ATP8A2: variants seen among roughly 807,000 people sequenced by gnomAD.
ATP8A2 encodes ATPase phospholipid transporting 8A2, also known as phospholipid-transporting ATPase IB.
A neutral mutation model predicts 165.6 loss-of-function variants in ATP8A2; 100 were observed. The ratio of observed to expected loss-of-function variants is 0.60; its 90% confidence interval spans 0.51 to 0.71. ATP8A2 has a LOEUF of 0.71. ATP8A2 is among the 30% of genes least tolerant of loss of function. ATP8A2 has a pLI of 0.00. For missense variants in ATP8A2, 1,227 were observed against 1,479.5 expected (o/e 0.83, Z 2.80); for synonymous variants, 543 against 548.8 (o/e 0.99, Z 0.15).
intron 27 of ATP8A2, among the ~76,000 whole-genome samples, chr13:25,775,823 G>A (rs577882140): frequency 2.0e-5 from 3 of 152,280 alleles, no homozygotes; most frequent in South Asian, 2.1e-4. Flanking sequence ...AAAATAATAA[G>A]CAAGGAAGAA....
chr13:25,780,267 G>A (rs573432094), intron 27 of ATP8A2, among the ~76,000 whole-genome samples: 3 of 152,242 alleles, frequency 2.0e-5, no homozygotes, highest in South Asian at 4.1e-4. Flanking sequence ...TGATTAGTTG[G>A]TGGTTCCTAA....
chr13:25,540,229 C>T (rs1368643446), intron 7 of ATP8A2, 90 bp from the exon 8 acceptor site: 24 of 935,632 alleles, frequency 2.6e-5, no homozygotes, highest in Non-Finnish European at 4.0e-5. Context: ...GGCCAATCAG[C>T]AGACACAGAT....
At position 25,822,374 on chromosome 13, in the gene ATP8A2, G is replaced by A. The variant is rs74792765; in HGVS notation, c.2680-5744G>A. ...TACAGGTGGAATCACTTGTTCAAAC[G>A]AAAACTAAATTAAACATATTTATAG... is the stretch of plus-strand genomic sequence containing the variant. On this transcript the variant is annotated intron_variant, in intron 27 of 36. Coordinates refer to ENST00000381655, the MANE Select transcript of ATP8A2 (RefSeq NM_016529.6). Among the ~76,000 whole-genome samples the A allele has an allele frequency of 3.1e-3, 470 of 152,236 alleles. 5 individuals are homozygous for A. Among genetic ancestry groups the A allele is most frequent in the African/African-American group, 0.01 (435 of 41,546 alleles).
chr13:25,933,236 G>A (rs1283519592), intron 33 of ATP8A2, among the ~76,000 whole-genome samples: 1 of 152,184 alleles, frequency 6.6e-6, no homozygotes, highest in Non-Finnish European at 1.5e-5. Flanking sequence ...GGCCAGCTCA[G>A]TTTCCCATCT....
At chr13:25,991,891 A>G (rs2139292297) in intron 35 of ATP8A2, among the ~76,000 whole-genome samples, 1 of 146,112 alleles carries the variant, frequency 6.8e-6, no homozygotes, top group African/African-American at 2.5e-5. Context: ...TAGTAGATGC[A>G]TATTTAGTTT....
chr13:25,939,786 ACTGCT>A (rs1283016881), intron 33 of ATP8A2, among the ~76,000 whole-genome samples: 15 of 152,106 alleles, frequency 9.9e-5, no homozygotes, highest in Admixed American at 2.6e-4. Context: ...CCCCACTGAA[ACTGCT>A]CTGAACTTTC....
chr13:25,819,307 G>C (rs1951105620), intron 27 of ATP8A2, among the ~76,000 whole-genome samples: 1 of 152,138 alleles, frequency 6.6e-6, no homozygotes, highest in South Asian at 2.1e-4. Flanking sequence ...AGATTTTATA[G>C]ATGAGGCCCT....
chr13:25,533,385 G>A, intron 6 of ATP8A2, 72 bp downstream of exon 6: 1 of 852,224 alleles, frequency 1.2e-6, no homozygotes, highest in South Asian at 1.5e-5. Context: ...GGTCTTGATT[G>A]CAGTATAAAG....
intron 25 of ATP8A2, among the ~76,000 whole-genome samples, chr13:25,737,650 C>G (rs186530868): frequency 2.6e-5 from 4 of 152,192 alleles, no homozygotes; most frequent in Non-Finnish European, 4.4e-5. Context: ...AGGCAAATGC[C>G]ACCACGCCTG....
At position 25,806,550 on chromosome 13, in the gene ATP8A2, G is replaced by T. The variant is rs147252706; in HGVS notation, c.2680-21568G>T. ...GCACGGCCTTCAACTTCATGGAAAA[G>T]GGACAAAAATAACATAAAGCAAGTG... On this transcript the variant is annotated intron_variant, in intron 27 of 36. Coordinates refer to ENST00000381655, the MANE Select transcript of ATP8A2 (RefSeq NM_016529.6). Among the ~76,000 whole-genome samples the T allele has an allele frequency of 8.8e-3, 1,341 of 152,052 alleles. 17 individuals carry two copies. Among genetic ancestry groups the T allele is most frequent in the African/African-American group, 0.031 (1,271 of 41,468 alleles).
chr13:25,391,140 G>A (rs746055269), intron 1 of ATP8A2, among the ~76,000 whole-genome samples: 1 of 152,182 alleles, frequency 6.6e-6, no homozygotes, highest in African/African-American at 2.4e-5. Context: ...AGGCAGAACA[G>A]AATGAGCCAC....
chr13:25,873,074 C>A (rs306398), intron 33 of ATP8A2, among the ~76,000 whole-genome samples: 41,156 of 151,990 alleles, frequency 0.27, 6,274 homozygotes, highest in African/African-American at 0.4. Context: ...CACTCCCCAA[C>A]GCTAAATTTA....
intron 33 of ATP8A2, among the ~76,000 whole-genome samples, chr13:25,868,562 A>G (rs577212358): frequency 1.3e-5 from 2 of 152,184 alleles, no homozygotes; most frequent in Non-Finnish European, 2.9e-5. Context: ...CAACTCATAC[A>G]TTTTGTGGAA....
chr13:25,909,277 G>A (rs1413263469), intron 33 of ATP8A2, among the ~76,000 whole-genome samples: 2 of 152,154 alleles, frequency 1.3e-5, no homozygotes, highest in Non-Finnish European at 2.9e-5. Flanking sequence ...AAAGGATTTT[G>A]TACGTTCCCA....
At chr13:26,004,184 A>G (rs1956694205) in intron 35 of ATP8A2, among the ~76,000 whole-genome samples, 1 of 152,108 alleles carries the variant, frequency 6.6e-6, no homozygotes, top group Admixed American at 6.6e-5. Flanking sequence ...ATTTTCTGCA[A>G]TTATTTCATC....
At chr13:25,748,043 C>A (rs983059639) in intron 25 of ATP8A2, among the ~76,000 whole-genome samples, 1 of 152,148 alleles carries the variant, frequency 6.6e-6, no homozygotes, top group African/African-American at 2.4e-5. Context: ...ATTTAGGAAT[C>A]ACCATATGGT....
At chr13:25,441,675 TACA>T (rs1242287846) in intron 1 of ATP8A2, among the ~76,000 whole-genome samples, 1 of 152,204 alleles carries the variant, frequency 6.6e-6, no homozygotes, top group Non-Finnish European at 1.5e-5. Context: ...CACCCAACCC[TACA>T]ACATCCTGCT....
At chr13:25,410,457 A>G (rs912403413) in intron 1 of ATP8A2, among the ~76,000 whole-genome samples, 1 of 152,204 alleles carries the variant, frequency 6.6e-6, no homozygotes, top group Admixed American at 6.5e-5. Context: ...TTTGAACTCA[A>G]TGACCATATC....
Position 26,019,951 on chromosome 13 carries a change from A to G in ATP8A2, c.3533A>G (p.Tyr1178Cys), listed in dbSNP as rs1410644565. 1 of 1,613,918 alleles carries G rather than the reference A, an allele frequency of 6.2e-7. No homozygotes were observed. Among genetic ancestry groups the G allele is most frequent in the East Asian group, 2.2e-5 (1 of 44,900 alleles). The change falls in exon 37 of 37, where the codon TAT (tyrosine) becomes TGT (cysteine). Residue 1178 changes from tyrosine to cysteine, a missense_variant. Around this residue, in one of 5 missense-constraint regions of ATP8A2, gnomAD observed 15 missense variants for 37.1 expected, o/e 0.40. Transcript: ENST00000381655. ...AVSQEEVIRA[Y>C]DTTKKKSRKK ...AGTCAGGAAGAAGTCATCCGTGCTT[A>G]TGACACCACCAAAAAGAAATCCAGG... is the stretch of plus-strand genomic sequence containing the variant.
Sources: gnomAD v4.1 joint callset for allele counts (sites outside exome capture counted in the v4.1 genomes callset) on GRCh38, gnomAD v4.1.1 for gene constraint, gnomAD v4.1.1 regional missense constraint, MANE v1.5 for transcripts, NCBI Gene and HGNC (gene_info 2026-07-23, HGNC 2026-07-21) for gene names.